PRICKLE2: variants seen among roughly 807,000 people sequenced by gnomAD.
PRICKLE2 encodes the protein prickle planar cell polarity protein 2, also known as prickle-like protein 2.
A neutral mutation model predicts 81.4 loss-of-function variants in PRICKLE2; 21 were observed. The observed-to-expected ratio is 0.26, with a 90% CI of 0.18 to 0.37. The LOEUF is 0.37. Among genes scored for constraint, PRICKLE2 ranks in the 10% least tolerant of loss-of-function variants. The pLI, the probability that PRICKLE2 is intolerant of heterozygous loss-of-function variation, is 1.00. For missense variants in PRICKLE2, 940 were observed against 1,109.0 expected (o/e 0.85, Z 2.16); for synonymous variants, 456 against 421.5 (o/e 1.08, Z -1.00).
intron 2 of PRICKLE2, among the ~76,000 whole-genome samples, chr3:64,180,917 T>C (rs919229673): frequency 6.6e-6 from 1 of 152,174 alleles, no homozygotes; most frequent in African/African-American, 2.4e-5. Context: ...GGGGAGAAAA[T>C]GAGTCAGACA....
At chr3:64,187,326 T>C (rs1211603095) in intron 2 of PRICKLE2, among the ~76,000 whole-genome samples, 1 of 152,218 alleles carries the variant, frequency 6.6e-6, no homozygotes, top group Non-Finnish European at 1.5e-5. Flanking sequence ...AAATACAGCA[T>C]TGTTCATGTG....
At chr3:64,223,602 T>C (rs1254322194) in intron 1 of PRICKLE2, among the ~76,000 whole-genome samples, 1 of 152,246 alleles carries the variant, frequency 6.6e-6, no homozygotes, top group African/African-American at 2.4e-5. Flanking sequence ...AGATGCCCGA[T>C]GGAGCCAGTA....
intron 2 of PRICKLE2, among the ~76,000 whole-genome samples, chr3:64,237,212 T>A (rs978738261): frequency 6.6e-5 from 10 of 152,198 alleles, no homozygotes; most frequent in African/African-American, 2.2e-4. Flanking sequence ...AGTTTTGGCA[T>A]CTGTGGATGG....
At chr3:64,221,126 C>G (rs545291596) in intron 1 of PRICKLE2, among the ~76,000 whole-genome samples, 16 of 152,178 alleles carry the variant, frequency 1.1e-4, no homozygotes, top group African/African-American at 3.6e-4. Flanking sequence ...TTTGCACTTT[C>G]GTGGTGGATT....
rs79597277 is a variant in PRICKLE2, at chr3:64,212,974, C to T, written c.-41+11936G>A. On this transcript the variant is annotated intron_variant, in intron 1 of 7. Coordinates refer to ENST00000638394, the MANE Select transcript of PRICKLE2 (RefSeq NM_198859.4). Reference sequence around the variant, plus strand: ...TCCTTAGTGTACACTTAAAGGTGTGCTGGACTGAGCAAGGTAATTTCATTA... The same window carrying T: ...TCCTTAGTGTACACTTAAAGGTGTGTTGGACTGAGCAAGGTAATTTCATTA... Among the ~76,000 whole-genome samples, 325 of 152,052 alleles carry T rather than the reference C, an allele frequency of 2.1e-3. 7 individuals carry two copies. In the East Asian group the frequency reaches 0.046, roughly 22 times the overall value.
chr3:64,111,512 G>C (rs1286519867), intron 7 of PRICKLE2, among the ~76,000 whole-genome samples: 1 of 152,176 alleles, frequency 6.6e-6, no homozygotes, highest in African/African-American at 2.4e-5. Flanking sequence ...AGGAGGCAGA[G>C]AGAAGTACAG....
intron 2 of PRICKLE2, chr3:64,267,954 T>TGG (rs1031630407): frequency 4.0e-5 from 6 of 151,776 alleles, no homozygotes; most frequent in African/African-American, 1.5e-4. Flanking sequence ...CCCGGGAAAC[T>TGG]GCGGGGGAGC....
Position 64,157,255 on chromosome 3 carries a change from C to G in PRICKLE2, c.507G>C (p.Leu169=). The G allele has an allele frequency of 6.2e-7, 1 of 1,614,220 alleles. No individual in the cohort carries two copies. Among genetic ancestry groups the G allele is most frequent in the Non-Finnish European group, 8.5e-7 (1 of 1,180,036 alleles). The part of the protein sequence containing the change: ...CFVCTVCNEL[L]VDLIYFYQDG... ...CTTGGTAAAAGTAGATCAGATCCAC[C>G]AGGAGCTCATTGCAGACAGTGCATA... The change falls in exon 5 of 8, where the codon CTG becomes CTC. Residue 169 remains leucine, a synonymous_variant. Transcript: ENST00000638394.
chr3:64,135,075 C>G (rs1447534239), intron 7 of PRICKLE2, among the ~76,000 whole-genome samples: 1 of 152,204 alleles, frequency 6.6e-6, no homozygotes, highest in Non-Finnish European at 1.5e-5. Context: ...AAACAAATCC[C>G]TGCAGGTGTT....
In PRICKLE2 at chr3:64,095,450, T is replaced by G. The variant is rs546957957; in HGVS notation, c.*3601A>C. On this transcript the variant is annotated 3_prime_UTR_variant, in exon 8 of 8. Coordinates refer to ENST00000638394, the MANE Select transcript of PRICKLE2 (RefSeq NM_198859.4). ...TCAGTTCTGATCAACTGGTCCTGGCTGGTTGGAGTGTTGCAAAGATCTGTG... is the reference window on the plus strand; with the variant it reads ...TCAGTTCTGATCAACTGGTCCTGGCGGGTTGGAGTGTTGCAAAGATCTGTG... 1.3e-5 allele frequency: 2 copies of G among 152,246 alleles called. No individual in the cohort carries two copies. Among genetic ancestry groups the G allele is most frequent in the Non-Finnish European group, 2.9e-5 (2 of 68,054 alleles). 9.4% of individuals were successfully genotyped at this position (152,246 alleles called of 1,614,324 possible).
chr3:64,155,161 A>C (rs1057007896), intron 5 of PRICKLE2: 12 of 147,144 alleles, frequency 8.2e-5, no homozygotes, highest in African/African-American at 3.0e-4. Flanking sequence ...AAAAAAAAAA[A>C]AAAAAAAAAG....
At chr3:64,166,983 C>A (rs2077844605) in intron 2 of PRICKLE2, among the ~76,000 whole-genome samples, 1 of 152,214 alleles carries the variant, frequency 6.6e-6, no homozygotes, top group African/African-American at 2.4e-5. Flanking sequence ...CTCCTGAATT[C>A]TTTGGCTGGA....
chr3:64,249,780 C>T (rs1429835400), intron 2 of PRICKLE2, among the ~76,000 whole-genome samples: 4 of 152,196 alleles, frequency 2.6e-5, no homozygotes, highest in Non-Finnish European at 5.9e-5. Context: ...ATCTTCCAGA[C>T]TATAATAAAT....
intron 7 of PRICKLE2, chr3:64,105,908 G>A (rs1184445729): frequency 1.3e-5 from 2 of 152,188 alleles, no homozygotes; most frequent in East Asian, 3.9e-4. Flanking sequence ...GAGTACTAAA[G>A]CTGTAGTGAT....
At chr3:64,120,583 T>A (rs1277897619) in intron 7 of PRICKLE2, among the ~76,000 whole-genome samples, 1 of 152,170 alleles carries the variant, frequency 6.6e-6, no homozygotes, top group Non-Finnish European at 1.5e-5. Context: ...AATGAAAATC[T>A]GAATCCACTA....
intron 1 of PRICKLE2, among the ~76,000 whole-genome samples, chr3:64,203,364 G>A (rs1411910411): frequency 6.6e-6 from 1 of 152,164 alleles, no homozygotes; most frequent in Non-Finnish European, 1.5e-5. Flanking sequence ...TTTTATGCCA[G>A]TTTATGACTT....
intron 2 of PRICKLE2, among the ~76,000 whole-genome samples, chr3:64,257,642 T>C (rs2079546360): frequency 6.6e-6 from 1 of 152,062 alleles, no homozygotes; most frequent in African/African-American, 2.4e-5. Flanking sequence ...GGGAAAGTCT[T>C]ATGGAAAGAG....
intron 2 of PRICKLE2, among the ~76,000 whole-genome samples, chr3:64,266,900 T>C (rs2079718234): frequency 1.3e-5 from 2 of 151,606 alleles, no homozygotes; most frequent in Non-Finnish European, 2.9e-5. Flanking sequence ...CATCAGACTC[T>C]GCTCCAATTT....
At chr3:64,137,791 G>A (rs1234504136) in intron 7 of PRICKLE2, among the ~76,000 whole-genome samples, 2 of 152,138 alleles carry the variant, frequency 1.3e-5, no homozygotes, top group Non-Finnish European at 2.9e-5. Flanking sequence ...CTGGCCCCTG[G>A]TCTGTGAGCT....
Sources: allele counts gnomAD v4.1 joint callset (sites outside exome capture counted in the v4.1 genomes callset), GRCh38; gene constraint gnomAD v4.1.1; transcripts MANE v1.5; gene names NCBI Gene and HGNC (gene_info 2026-07-23, HGNC 2026-07-21).